SGCZ: variants seen among roughly 807,000 people sequenced by gnomAD.
SGCZ encodes sarcoglycan zeta, also known as zeta-sarcoglycan.
In SGCZ, 40 loss-of-function variants were observed where a neutral mutation model predicts 41.3. That is an observed-to-expected ratio of 0.97 (90% CI 0.75 to 1.26). The LOEUF (loss-of-function observed/expected upper bound fraction) is 1.26. SGCZ is among the 50% of genes most tolerant of loss of function. The pLI, the probability that SGCZ is intolerant of heterozygous loss-of-function variation, is 0.00. For missense variants in SGCZ, 552 were observed against 369.8 expected (o/e 1.49, Z -4.04); for synonymous variants, 206 against 137.5 (o/e 1.50, Z -3.49).
chr8:15,183,513 G>C (rs1200502033), intron 1 of SGCZ, among the ~76,000 whole-genome samples: 2 of 152,150 alleles, frequency 1.3e-5, no homozygotes, highest in Non-Finnish European at 2.9e-5. Context: ...TGATAACTCA[G>C]AGATGTCATG....
chr8:14,343,671 G>T (rs913722412), intron 2 of SGCZ, among the ~76,000 whole-genome samples: 8 of 152,156 alleles, frequency 5.3e-5, no homozygotes, highest in Non-Finnish European at 1.0e-4. Flanking sequence ...ATAGAGGATT[G>T]TATCTTAGAG....
At chr8:14,962,386 GTATATA>G (rs35553186) in intron 1 of SGCZ, among the ~76,000 whole-genome samples, 1 of 148,622 alleles carries the variant, frequency 6.7e-6, no homozygotes, top group Non-Finnish European at 1.5e-5. Flanking sequence ...CAAGGTAATT[GTATATA>G]TATATATATA....
chr8:14,216,516 C>A (rs1805998808), intron 4 of SGCZ, among the ~76,000 whole-genome samples: 1 of 152,122 alleles, frequency 6.6e-6, no homozygotes, highest in Admixed American at 6.5e-5. Context: ...AAAAAGTTTT[C>A]AACAACGTAT....
chr8:14,287,039 A>T (rs1800660337), intron 3 of SGCZ, among the ~76,000 whole-genome samples: 1 of 151,882 alleles, frequency 6.6e-6, no homozygotes. Context: ...TTCTTTGTAA[A>T]CCTTCCTATT....
At chr8:14,180,245 C>G (rs1804677699) in intron 4 of SGCZ, among the ~76,000 whole-genome samples, 1 of 152,194 alleles carries the variant, frequency 6.6e-6, no homozygotes, top group South Asian at 2.1e-4. Flanking sequence ...CCAAGCCCAC[C>G]TCCAGGGTGG....
At chr8:14,329,351 A>C (rs1171959722) in intron 2 of SGCZ, among the ~76,000 whole-genome samples, 2 of 152,230 alleles carry the variant, frequency 1.3e-5, no homozygotes, top group African/African-American at 4.8e-5. Flanking sequence ...TAAGTGAATT[A>C]CTATTGGACC....
intron 1 of SGCZ, among the ~76,000 whole-genome samples, chr8:15,024,174 G>A (rs1803361703): frequency 6.6e-6 from 1 of 152,124 alleles, no homozygotes; most frequent in Non-Finnish European, 1.5e-5. Flanking sequence ...TATGGACTTT[G>A]CAGATAACCA....
chr8:14,714,219 G>A (rs907704636), intron 1 of SGCZ, among the ~76,000 whole-genome samples: 3 of 151,858 alleles, frequency 2.0e-5, no homozygotes, highest in Admixed American at 6.6e-5. Flanking sequence ...TGCCCGTCTC[G>A]GCCTCCCAAA....
chr8:14,350,177 A>T (rs1803037560), intron 2 of SGCZ, among the ~76,000 whole-genome samples: 1 of 152,070 alleles, frequency 6.6e-6, no homozygotes, highest in Non-Finnish European at 1.5e-5. Flanking sequence ...ACAAATACTG[A>T]AGATCTGGAG....
chr8:15,119,552 A>G (rs1563136327), intron 1 of SGCZ, among the ~76,000 whole-genome samples: 1 of 140,946 alleles, frequency 7.1e-6, no homozygotes, highest in East Asian at 1.9e-4. Flanking sequence ...AAAAAAAAAA[A>G]CCCTCCTAAT....
intron 1 of SGCZ, among the ~76,000 whole-genome samples, chr8:14,992,046 C>G (rs1242489442): frequency 6.6e-6 from 1 of 150,726 alleles, no homozygotes; most frequent in Non-Finnish European, 1.5e-5. Flanking sequence ...AATCTACTCC[C>G]AAAACCAATG....
intron 1 of SGCZ, among the ~76,000 whole-genome samples, chr8:15,099,318 G>A (rs1176862892): frequency 6.6e-6 from 1 of 152,046 alleles, no homozygotes; most frequent in African/African-American, 2.4e-5. Context: ...CAAGGGGCTG[G>A]GCCATCACAA....
intron 1 of SGCZ, among the ~76,000 whole-genome samples, chr8:14,759,157 T>C (rs1212855514): frequency 6.6e-6 from 1 of 152,150 alleles, no homozygotes; most frequent in Non-Finnish European, 1.5e-5. Context: ...AGTATAATTC[T>C]ATTTATATTA....
intron 1 of SGCZ, among the ~76,000 whole-genome samples, chr8:14,878,395 A>G (rs1347285828): frequency 2.0e-5 from 3 of 152,132 alleles, no homozygotes; most frequent in Non-Finnish European, 2.9e-5. Flanking sequence ...AGAAAAAAAA[A>G]GATTGGAGTC....
chr8:15,019,052 A>G (rs1279500072), intron 1 of SGCZ, among the ~76,000 whole-genome samples: 1 of 152,228 alleles, frequency 6.6e-6, no homozygotes, highest in Non-Finnish European at 1.5e-5. Flanking sequence ...CTCACTCACT[A>G]TCATGAGAAC....
At chr8:14,268,860 T>G (rs190105286) in intron 3 of SGCZ, among the ~76,000 whole-genome samples, 5 of 152,002 alleles carry the variant, frequency 3.3e-5, no homozygotes, top group African/African-American at 1.2e-4. Flanking sequence ...CGTATTAGAA[T>G]GTATCTTGAC....
At chr8:14,302,198 A>C (rs1801215583) in intron 3 of SGCZ, among the ~76,000 whole-genome samples, 1 of 152,196 alleles carries the variant, frequency 6.6e-6, no homozygotes, top group Non-Finnish European at 1.5e-5. Flanking sequence ...ATCATTTAAT[A>C]CAATTTTTCC....
intron 2 of SGCZ, among the ~76,000 whole-genome samples, chr8:14,434,525 G>A (rs1800033006): frequency 1.3e-5 from 2 of 152,104 alleles, no homozygotes; most frequent in Non-Finnish European, 2.9e-5. Context: ...TATTTTGATG[G>A]CAATTGCATT....
chr8:15,197,819 C>G (rs1373345291), intron 1 of SGCZ, among the ~76,000 whole-genome samples: 2 of 151,734 alleles, frequency 1.3e-5, no homozygotes, highest in Non-Finnish European at 2.9e-5. Flanking sequence ...GTTATTTCAC[C>G]TTATCCTTTA....
Sources: allele counts gnomAD v4.1 joint callset (sites outside exome capture counted in the v4.1 genomes callset), GRCh38; gene constraint gnomAD v4.1.1; transcripts MANE v1.5; gene names NCBI Gene and HGNC (gene_info 2026-07-23, HGNC 2026-07-21).